Variants in KCTD1 observed in about 807,000 individuals in gnomAD.
KCTD1 encodes BTB/POZ domain-containing protein KCTD1.
KCTD1 carries 24 observed loss-of-function variants against 66.0 expected under a neutral mutation model. That is an observed-to-expected ratio of 0.36 (90% CI 0.26 to 0.51). The LOEUF is 0.51. Ranked by LOEUF, KCTD1 falls within the 20% of genes least tolerant of loss-of-function variation. The pLI is 0.95. For missense variants in KCTD1, 943 were observed against 1,205.2 expected (o/e 0.78, Z 3.22); for synonymous variants, 511 against 517.2 (o/e 0.99, Z 0.16).
intron 1 of KCTD1, among the ~76,000 whole-genome samples, chr18:26,593,454 G>T (rs1442619024): frequency 6.9e-6 from 1 of 145,208 alleles, no homozygotes; most frequent in Non-Finnish European, 1.5e-5. Flanking sequence ...CAAGGAGGAT[G>T]AGGAGGAAGA....
At position 26,547,076 on chromosome 18, in the gene KCTD1, C is replaced by T; in HGVS notation, c.1461G>A (p.Ala487=). 1 of 1,534,848 alleles carries T rather than the reference C, an allele frequency of 6.5e-7. No individual in the cohort carries two copies. Among genetic ancestry groups the T allele is most frequent in the Non-Finnish European group, 8.8e-7 (1 of 1,141,532 alleles). Residue 487 remains alanine (A), a synonymous_variant, in exon 1 of 5, where the codon GCG becomes GCA. Transcript: ENST00000580059. ...QGCYAEALNG[A]ARHHSHHPPT... ...GGGGGTGGTGGGAGTGGTGCCGTGC[C>T]GCCCCGTTCAGAGCCTCGGCGTAGC...
chr18:26,527,308 T>C (rs1220303740), intron 1 of KCTD1, among the ~76,000 whole-genome samples: 1 of 152,190 alleles, frequency 6.6e-6, no homozygotes, highest in African/African-American at 2.4e-5. Flanking sequence ...TAGCATTTGA[T>C]GCAGAAGACA....
chr18:26,455,865 C>A lies in KCTD1; in HGVS notation c.2476G>T (p.Val826Leu). The A allele has an allele frequency of 6.2e-7, 1 of 1,614,110 alleles. No homozygotes were observed. Among genetic ancestry groups the A allele is most frequent in the Non-Finnish European group, 8.5e-7 (1 of 1,179,994 alleles). ...TCTACTCCTCCCCCACAGGAGCCCA[C>A]GATTTCAAATCCTCTTTGCTGCAAC... ...ERLQQRGFEI[V>L]GSCGGGVDSS... The change falls in exon 5 of 5, where the codon GTG becomes TTG. Residue 826 changes from valine (V) to leucine (L), a missense_variant. This residue lies in a region of KCTD1 where 162 missense variants were observed against 232.4 expected (regional missense o/e 0.70). Transcript: ENST00000580059.
chr18:26,568,647 A>G (rs1438867351), intron 1 of KCTD1, among the ~76,000 whole-genome samples: 2 of 152,246 alleles, frequency 1.3e-5, no homozygotes, highest in Non-Finnish European at 2.9e-5. Context: ...GTTACACTGT[A>G]GAATAGTACA....
upstream of KCTD1, chr18:26,548,980 A>AG: frequency 3.0e-6 from 3 of 985,196 alleles, no homozygotes; most frequent in Non-Finnish European, 3.6e-6. Context: ...GTAATGCCCG[A>AG]GGAGCAGTGC....
chr18:26,647,765 T>C (rs1043818358), intron 1 of KCTD1, among the ~76,000 whole-genome samples: 2 of 152,070 alleles, frequency 1.3e-5, no homozygotes, highest in Admixed American at 6.5e-5. Context: ...TGTGAGTTCC[T>C]GGAACTCACG....
At chr18:26,623,480 C>T (rs940414116) in intron 1 of KCTD1, among the ~76,000 whole-genome samples, 1 of 152,160 alleles carries the variant, frequency 6.6e-6, no homozygotes, top group Non-Finnish European at 1.5e-5. Flanking sequence ...AGTGAGTTCT[C>T]ATGACATCTG....
At chr18:26,559,254 A>G (rs1183320479) in intron 1 of KCTD1, among the ~76,000 whole-genome samples, 1 of 152,226 alleles carries the variant, frequency 6.6e-6, no homozygotes, top group South Asian at 2.1e-4. Context: ...AAAAGAGTAT[A>G]ATTGGATTGT....
chr18:26,624,064 T>C (rs981597861), intron 1 of KCTD1, among the ~76,000 whole-genome samples: 3 of 152,224 alleles, frequency 2.0e-5, no homozygotes, highest in South Asian at 4.1e-4. Flanking sequence ...GCATTTTGCC[T>C]CTGCCCTAGA....
chr18:26,606,131 T>A (rs749504432), intron 1 of KCTD1, among the ~76,000 whole-genome samples: 3 of 152,200 alleles, frequency 2.0e-5, no homozygotes, highest in Admixed American at 1.3e-4. Flanking sequence ...GAAAGAAATG[T>A]CTGGGTTAAG....
At chr18:26,650,037 T>C (rs1988000654) in intron 1 of KCTD1, among the ~76,000 whole-genome samples, 1 of 152,190 alleles carries the variant, frequency 6.6e-6, no homozygotes. Flanking sequence ...TGTCTGCAGA[T>C]TTTGGAAATC....
At chr18:26,549,970 G>A (rs1373756264), upstream of KCTD1, among the ~76,000 whole-genome samples, 1 of 152,088 alleles carries the variant, frequency 6.6e-6, no homozygotes, top group Admixed American at 6.5e-5. Context: ...AGCCGCCGGG[G>A]ACCTCGGCTG....
intron 1 of KCTD1, among the ~76,000 whole-genome samples, chr18:26,558,247 C>T (rs1482803733): frequency 6.6e-6 from 1 of 152,192 alleles, no homozygotes; most frequent in African/African-American, 2.4e-5. Flanking sequence ...ATCAAAACTA[C>T]AATGAGATAT....
At chr18:26,465,674 G>A (rs1477736879) in intron 3 of KCTD1, among the ~76,000 whole-genome samples, 1 of 152,184 alleles carries the variant, frequency 6.6e-6, no homozygotes, top group Non-Finnish European at 1.5e-5. Flanking sequence ...GGGTGCTGAC[G>A]GCGGGACGGA....
At chr18:26,502,789 A>C (rs753544601) in intron 1 of KCTD1, among the ~76,000 whole-genome samples, 1 of 152,272 alleles carries the variant, frequency 6.6e-6, no homozygotes, top group Non-Finnish European at 1.5e-5. Context: ...TGTATGGCAA[A>C]GCCAGGGATA....
chr18:26,541,546 G>A (rs1220762565), intron 1 of KCTD1, among the ~76,000 whole-genome samples: 5 of 152,106 alleles, frequency 3.3e-5, no homozygotes, highest in African/African-American at 9.7e-5. Context: ...TCTTTTTTAG[G>A]GAGAAAGAAA....
At chr18:26,514,656 T>A (rs1983557254) in intron 1 of KCTD1, among the ~76,000 whole-genome samples, 2 of 151,886 alleles carry the variant, frequency 1.3e-5, no homozygotes, top group Non-Finnish European at 2.9e-5. Flanking sequence ...ATAGGCATGC[T>A]CCAGGCCTAG....
At chr18:26,577,254 CA>C (rs1330699923) in intron 1 of KCTD1, among the ~76,000 whole-genome samples, 1 of 152,200 alleles carries the variant, frequency 6.6e-6, no homozygotes, top group African/African-American at 2.4e-5. Context: ...CCATCACTGT[CA>C]AGGTTTATGA....
chr18:26,619,079 T>A (rs1338115146), intron 1 of KCTD1, among the ~76,000 whole-genome samples: 1 of 152,248 alleles, frequency 6.6e-6, no homozygotes, highest in Non-Finnish European at 1.5e-5. Context: ...CTATCCTAAG[T>A]GTCTAATTTT....
Sources: allele counts gnomAD v4.1 joint callset (sites outside exome capture counted in the v4.1 genomes callset), GRCh38; gene constraint gnomAD v4.1.1; regional missense constraint gnomAD v4.1.1; transcripts MANE v1.5; gene names NCBI Gene and HGNC (gene_info 2026-07-23, HGNC 2026-07-21).